CDH19: variants seen among roughly 807,000 people sequenced by gnomAD.
CDH19 encodes the protein cadherin-19.
A neutral mutation model predicts 64.2 loss-of-function variants in CDH19; 67 were observed. That is an observed-to-expected ratio of 1.04 (90% CI 0.86 to 1.28). The LOEUF (loss-of-function observed/expected upper bound fraction) is 1.28. Ranked by LOEUF, CDH19 falls within the 50% of genes most tolerant of loss-of-function variation. The pLI is 0.00. For missense variants in CDH19, 1,030 were observed against 929.0 expected (o/e 1.11, Z -1.41); for synonymous variants, 346 against 319.3 (o/e 1.08, Z -0.89).
intron 9 of CDH19, among the ~76,000 whole-genome samples, chr18:66,524,103 G>A (rs910102038): frequency 7.2e-5 from 11 of 152,256 alleles, no homozygotes; most frequent in Middle Eastern, 3.4e-3. Flanking sequence ...TGACATGAAT[G>A]TGTGAGGATC....
intron 3 of CDH19, among the ~76,000 whole-genome samples, chr18:66,566,375 A>G (rs1330074282): frequency 2.0e-5 from 3 of 149,514 alleles, no homozygotes; most frequent in Non-Finnish European, 4.4e-5. Flanking sequence ...TCCCCATAGT[A>G]TATAACAGTG....
rs772411740 is a variant in CDH19, at chr18:66,509,081, G to A, written c.1742C>T (p.Thr581Ile). Residue 581 changes from threonine (T) to isoleucine (I), a missense_variant, in exon 11 of 12, where the codon ACC (threonine) becomes ATC (isoleucine). Coordinates refer to ENST00000262150, the MANE Select transcript of CDH19 (RefSeq NM_021153.4). The stretch of plus-strand genomic sequence containing the variant: ...AAGCACAAGCTCCTGGTACTGGCAG[G>A]TCTGTGTGCTCCCACTGTCACCACA... Reference protein sequence around the residue: ...CDCGDSGSTQTCQYQELVLSM... With the variant: ...CDCGDSGSTQICQYQELVLSM... The A allele has an allele frequency of 3.2e-5, 52 of 1,612,886 alleles. No individual in the cohort carries two copies. The highest frequency in any genetic ancestry group is 3.8e-5 in the Non-Finnish European group (45 of 1,179,276).
intron 9 of CDH19, among the ~76,000 whole-genome samples, chr18:66,522,189 C>A (rs962189754): frequency 5.3e-5 from 8 of 150,782 alleles, no homozygotes; most frequent in African/African-American, 2.0e-4. Flanking sequence ...ACCTCCTGAT[C>A]CGCCCGCCTC....
chr18:66,569,825 C>G (rs1223738724), intron 2 of CDH19, among the ~76,000 whole-genome samples: 1 of 151,580 alleles, frequency 6.6e-6, no homozygotes, highest in Non-Finnish European at 1.5e-5. Flanking sequence ...TGAAAATTTA[C>G]AAAGATAATC....
chr18:66,572,453 C>G (rs1988137377), intron 1 of CDH19, 137 bp from the exon 2 acceptor site: 1 of 314,402 alleles, frequency 3.2e-6, no homozygotes, highest in African/African-American at 2.1e-5. Context: ...TCCAATTAAG[C>G]TGGCTAATTA....
intron 1 of CDH19, among the ~76,000 whole-genome samples, chr18:66,598,158 C>G (rs1487709174): frequency 1.3e-5 from 2 of 152,102 alleles, no homozygotes; most frequent in East Asian, 3.9e-4. Flanking sequence ...CAGATGCTGG[C>G]AAATTTGCAT....
intron 11 of CDH19, among the ~76,000 whole-genome samples, chr18:66,505,890 T>C (rs1430059404): frequency 6.6e-6 from 1 of 151,952 alleles, no homozygotes; most frequent in African/African-American, 2.4e-5. Flanking sequence ...AGTCATTATA[T>C]TATTATATCC....
chr18:66,516,622 C>G (rs552493462), intron 9 of CDH19, among the ~76,000 whole-genome samples: 3 of 152,184 alleles, frequency 2.0e-5, no homozygotes, highest in Non-Finnish European at 4.4e-5. Context: ...AAATCTGATT[C>G]TCCTGAAACT....
chr18:66,582,639 CA>C (rs11410904), intron 1 of CDH19, among the ~76,000 whole-genome samples: 3,826 of 72,818 alleles, frequency 0.053, 18 homozygotes, highest in African/African-American at 0.1. Flanking sequence ...TTACTGTCAC[CA>C]AAAAAAAAAA....
intron 3 of CDH19, among the ~76,000 whole-genome samples, chr18:66,559,481 C>T (rs1195511979): frequency 6.6e-6 from 1 of 151,318 alleles, no homozygotes; most frequent in African/African-American, 2.4e-5. Flanking sequence ...CAATACCATG[C>T]AGTTATAACG....
intron 7 of CDH19, among the ~76,000 whole-genome samples, chr18:66,535,414 C>T (rs1986623646): frequency 6.6e-6 from 1 of 151,300 alleles, no homozygotes; most frequent in Admixed American, 6.6e-5. Flanking sequence ...GTATTGATCT[C>T]TTTCCTATGT....
Position 66,505,262 on chromosome 18 carries a change from T to C in CDH19, c.1869A>G (p.Lys623=). ...CACTTTTCTCAGGAAATAGAATCTG[T>C]TTTCTCCGTTGTTTTAAACCCAAAG... ...FLTLGLKQRR[K]QILFPEKSED... is the part of the protein sequence containing the mutation. Residue 623 remains lysine (K), a synonymous_variant, in exon 12 of 12, where the codon AAA becomes AAG. Coordinates refer to ENST00000262150, the MANE Select transcript of CDH19 (RefSeq NM_021153.4). The C allele has an allele frequency of 6.3e-7, 1 of 1,586,308 alleles. No homozygotes were observed. The highest frequency in any genetic ancestry group is 8.5e-7 in the Non-Finnish European group (1 of 1,171,124).
intron 9 of CDH19, among the ~76,000 whole-genome samples, chr18:66,515,628 T>C (rs945259136): frequency 1.3e-4 from 19 of 151,994 alleles, no homozygotes; most frequent in Non-Finnish European, 2.5e-4. Flanking sequence ...TTAAATGTCA[T>C]AGATATTATA....
chr18:66,598,732 T>C (rs1036869129), intron 1 of CDH19, among the ~76,000 whole-genome samples: 9 of 152,106 alleles, frequency 5.9e-5, no homozygotes, highest in African/African-American at 2.2e-4. Context: ...TGTCAGGTAG[T>C]ATTATCACTA....
chr18:66,551,198 A>G lies in CDH19; in HGVS notation c.671T>C (p.Ile224Thr). 3 of 1,588,202 alleles carry G rather than the reference A, an allele frequency of 1.9e-6. No individual in the cohort carries two copies. Among genetic ancestry groups the G allele is most frequent in the Middle Eastern group, 1.7e-4 (1 of 6,030 alleles). The stretch of plus-strand genomic sequence containing the variant: ...CTGACCAATCATGTCCTTGGCTTGA[A>G]TGATTACCCAATACTCATCTTGCAG... ...RELQDEYWVI[I>T]QAKDMIGQPG... Residue 224 changes from isoleucine (I) to threonine (T), a missense_variant, in exon 5 of 12, where the codon ATT (isoleucine) becomes ACT (threonine). Physicochemically the swap from Ile to Thr is moderately conservative, Grantham distance 89 (BLOSUM62 -1). Coordinates refer to ENST00000262150, the MANE Select transcript of CDH19 (RefSeq NM_021153.4).
rs772710474 is a variant in CDH19, at chr18:66,544,006, A to C, written c.1179T>G (p.Ser393=). 6.2e-7 allele frequency: 1 copy of C among 1,613,660 alleles called. No individual in the cohort carries two copies. Among genetic ancestry groups the C allele is most frequent in the Non-Finnish European group, 8.5e-7 (1 of 1,179,574 alleles). The change falls in exon 7 of 12, where the codon TCT becomes TCG. Residue 393 remains serine, a synonymous_variant. Coordinates refer to ENST00000262150, the MANE Select transcript of CDH19 (RefSeq NM_021153.4). ...ATTTCCTATTGTCTGGGTCTGTGGC[A>C]GACACCACGCCTACAAATGATCCCT... ...TPQGSFVGVV[S]ATDPDNRKSP... is the part of the protein sequence containing the mutation.
intron 1 of CDH19, among the ~76,000 whole-genome samples, chr18:66,581,485 G>T (rs1310186402): frequency 6.6e-6 from 1 of 152,094 alleles, no homozygotes; most frequent in African/African-American, 2.4e-5. Flanking sequence ...TGGGAGAAGA[G>T]TCACCCTGGT....
rs762739771 is a variant in CDH19 at position 66,511,654 on chromosome 18, T to C, written c.1490A>G (p.Asp497Gly). 1 of 1,574,680 alleles carries C rather than the reference T, an allele frequency of 6.4e-7. No individual in the cohort carries two copies. Among genetic ancestry groups the C allele is most frequent in the South Asian group, 1.1e-5 (1 of 90,076 alleles). ...VIQTISAVDR[D>G]ESIEEHHFYF... ...AAAATGGTGCTCTTCTATGGATTCA[T>C]CTCTATCCACTGCACTGATAGTCTG... The change falls in exon 10 of 12, where the codon GAT becomes GGT. Residue 497 changes from aspartate to glycine, a missense_variant. Coordinates refer to ENST00000262150, the MANE Select transcript of CDH19 (RefSeq NM_021153.4).
At chr18:66,548,697 G>T (rs2144506029) in intron 5 of CDH19, among the ~76,000 whole-genome samples, 1 of 152,168 alleles carries the variant, frequency 6.6e-6, no homozygotes, top group South Asian at 2.1e-4. Flanking sequence ...CAAGTAGTGT[G>T]GATGTAACTC....
Sources: allele counts gnomAD v4.1 joint callset (sites outside exome capture counted in the v4.1 genomes callset), GRCh38; gene constraint gnomAD v4.1.1; transcripts MANE v1.5; gene names NCBI Gene and HGNC (gene_info 2026-07-23, HGNC 2026-07-21).